A1CF: variants seen among roughly 807,000 people sequenced by gnomAD.
A1CF encodes APOBEC-1 stimulating protein.
Under a neutral mutation model 68.9 loss-of-function variants are expected in A1CF, and 48 were observed. That is an observed-to-expected ratio of 0.70 (90% CI 0.55 to 0.89). The LOEUF is 0.89. A1CF is among the 40% of genes least tolerant of loss of function. A1CF has a pLI of 0.00. For synonymous variants in A1CF, 272 were observed against 260.4 expected (o/e 1.04, Z -0.43); for missense variants, 653 against 718.9 (o/e 0.91, Z 1.05).
intron 2 of A1CF, among the ~76,000 whole-genome samples, chr10:50,860,376 A>G (rs539849318): frequency 5.9e-5 from 9 of 152,346 alleles, no homozygotes; most frequent in African/African-American, 2.2e-4. Flanking sequence ...CACTAAGATA[A>G]GAAATCAGAA....
chr10:50,861,971 A>G (rs1840768283), intron 2 of A1CF, among the ~76,000 whole-genome samples: 2 of 150,872 alleles, frequency 1.3e-5, no homozygotes, highest in African/African-American at 4.9e-5. Flanking sequence ...TACTATAGTA[A>G]TACTAATAGT....
At position 50,864,084 on chromosome 10, in the gene A1CF, G is replaced by C. The variant is rs1050824207; in HGVS notation, c.-93-4C>G. 2 of 152,138 alleles carry C rather than the reference G, an allele frequency of 1.3e-5. No homozygotes were observed. Among genetic ancestry groups the C allele is most frequent in the African/African-American group, 4.8e-5 (2 of 41,436 alleles). 9.4% of individuals were successfully genotyped at this position (152,138 alleles called of 1,614,324 possible). On this transcript the variant is annotated splice_polypyrimidine_tract_variant and splice_region_variant and intron_variant, in intron 1 of 12. Transcript: ENST00000373997. Reference sequence around the variant, plus strand: ...GTTTTTGGCACAGCACTGTTATCTAGTTGAGGATGGGTGAGAGCAGAAAGG... The same window carrying C: ...GTTTTTGGCACAGCACTGTTATCTACTTGAGGATGGGTGAGAGCAGAAAGG...
chr10:50,835,066 G>A (rs1839424793), intron 6 of A1CF, among the ~76,000 whole-genome samples: 1 of 152,124 alleles, frequency 6.6e-6, no homozygotes, highest in Non-Finnish European at 1.5e-5. Context: ...GAAGAGGGAA[G>A]AAGTTGTGAA....
intron 5 of A1CF, among the ~76,000 whole-genome samples, chr10:50,841,549 T>G (rs1289858674): frequency 6.6e-6 from 1 of 152,206 alleles, no homozygotes; most frequent in African/African-American, 2.4e-5. Context: ...TCTTATATAT[T>G]TGCTCTGCAA....
At chr10:50,819,875 T>G (rs1289576014) in intron 8 of A1CF, among the ~76,000 whole-genome samples, 1 of 152,226 alleles carries the variant, frequency 6.6e-6, no homozygotes. Flanking sequence ...CACGTTTATC[T>G]CTCTTTATGA....
chr10:50,885,163 A>G (rs1841949596), intron 1 of A1CF, among the ~76,000 whole-genome samples: 1 of 152,182 alleles, frequency 6.6e-6, no homozygotes, highest in Non-Finnish European at 1.5e-5. Context: ...AGGAATTATG[A>G]CCCACACACA....
intron 5 of A1CF, among the ~76,000 whole-genome samples, chr10:50,839,995 G>T (rs1405873422): frequency 6.6e-6 from 1 of 152,154 alleles, no homozygotes; most frequent in Non-Finnish European, 1.5e-5. Context: ...GCCCGCCTTG[G>T]CCTCCCAAAG....
intron 11 of A1CF, among the ~76,000 whole-genome samples, chr10:50,810,659 CG>C (rs1838063133): frequency 6.6e-6 from 1 of 152,246 alleles, no homozygotes; most frequent in Non-Finnish European, 1.5e-5. Context: ...CTGCCTGTAC[CG>C]GCTACTACAT....
chr10:50,873,319 T>C (rs1181437311), intron 1 of A1CF, among the ~76,000 whole-genome samples: 1 of 152,056 alleles, frequency 6.6e-6, no homozygotes, highest in African/African-American at 2.4e-5. Context: ...GGATTGTAGA[T>C]AGCAAGAGAA....
At chr10:50,874,472 T>C (rs1009867104) in intron 1 of A1CF, among the ~76,000 whole-genome samples, 3 of 152,190 alleles carry the variant, frequency 2.0e-5, no homozygotes, top group Non-Finnish European at 4.4e-5. Context: ...AGGATTTAAC[T>C]TGAACTATAA....
intron 3 of A1CF, among the ~76,000 whole-genome samples, chr10:50,859,639 A>C (rs570160452): frequency 5.0e-4 from 76 of 152,244 alleles, no homozygotes; most frequent in Non-Finnish European, 1.5e-4. Context: ...TTAAGGTTGA[A>C]TTGATAACCT....
intron 3 of A1CF, among the ~76,000 whole-genome samples, chr10:50,857,843 A>G (rs184329985): frequency 6.6e-5 from 10 of 152,266 alleles, no homozygotes; most frequent in African/African-American, 2.4e-4. Context: ...ACGTGTAGAA[A>G]TTAATGATTA....
chr10:50,870,344 A>G (rs930693442), intron 1 of A1CF, among the ~76,000 whole-genome samples: 2 of 151,944 alleles, frequency 1.3e-5, no homozygotes, highest in Admixed American at 1.3e-4. Context: ...AGAATTAATA[A>G]AACAAATTTG....
intron 3 of A1CF, among the ~76,000 whole-genome samples, chr10:50,845,814 C>T (rs1448685998): frequency 6.6e-6 from 1 of 152,012 alleles, no homozygotes; most frequent in Non-Finnish European, 1.5e-5. Flanking sequence ...ATTAGCTGGA[C>T]ATGGTGGCAC....
intron 8 of A1CF, among the ~76,000 whole-genome samples, chr10:50,817,393 C>T (rs1378284789): frequency 6.6e-6 from 1 of 152,194 alleles, no homozygotes; most frequent in Non-Finnish European, 1.5e-5. Context: ...TTATTGAAGT[C>T]TGCTGGACAA....
chr10:50,827,228 A>T (rs1838990891), intron 7 of A1CF, among the ~76,000 whole-genome samples: 1 of 152,174 alleles, frequency 6.6e-6, no homozygotes, highest in Admixed American at 6.5e-5. Flanking sequence ...GATCAACGAG[A>T]CAGAAAGTTA....
intron 1 of A1CF, among the ~76,000 whole-genome samples, chr10:50,877,531 A>G (rs146361844): frequency 0.01 from 1,572 of 152,344 alleles, 11 homozygotes; most frequent in Middle Eastern, 0.027. Context: ...TCTGTGTTAC[A>G]GTGGCACAGA....
At chr10:50,850,782 T>C in intron 3 of A1CF, 1 of 1,613,994 alleles carries the variant, frequency 6.2e-7, no homozygotes, top group Non-Finnish European at 8.5e-7. Flanking sequence ...GACACACTGC[T>C]TCCATCTATA....
intron 6 of A1CF, among the ~76,000 whole-genome samples, chr10:50,831,726 C>T (rs149129397): frequency 0.02 from 3,065 of 152,166 alleles, 50 homozygotes; most frequent in Non-Finnish European, 0.029. Context: ...GAAACTCCGT[C>T]TCAAAAATAA....
Sources: gnomAD v4.1 joint callset for allele counts (sites outside exome capture counted in the v4.1 genomes callset) on GRCh38, gnomAD v4.1.1 for gene constraint, MANE v1.5 for transcripts, NCBI Gene and HGNC (gene_info 2026-07-23, HGNC 2026-07-21) for gene names.